The following ZDHHC6 variants were observed in gnomAD, a reference collection of about 807,000 sequenced individuals.
ZDHHC6 encodes palmitoyltransferase ZDHHC6.
In ZDHHC6, 32 loss-of-function variants were observed where a neutral mutation model predicts 57.8. The observed-to-expected ratio is 0.55, with a 90% CI of 0.42 to 0.74. The LOEUF (loss-of-function observed/expected upper bound fraction) is 0.74. Among genes scored for constraint, ZDHHC6 ranks in the 30% least tolerant of loss-of-function variants. The probability of loss-of-function intolerance (pLI) is 0.00; values close to 1 mark genes in which losing one functional copy is unlikely to be tolerated. For missense variants in ZDHHC6, 433 were observed against 500.7 expected, an observed-to-expected ratio of 0.86 and a Z score of 1.29; for synonymous variants, 128 against 158.0, an observed-to-expected ratio of 0.81 and a Z score of 1.42.
chr10:112,431,758 C>A (rs1399691786), intron 10 of ZDHHC6, among the ~76,000 whole-genome samples: 1 of 151,782 alleles, frequency 6.6e-6, no homozygotes, highest in Admixed American at 6.6e-5. Flanking sequence ...CACAAAGTTT[C>A]AATCTACTGG....
At chr10:112,424,970 C>G (rs537818688) in exon 12 of ZDHHC6, 1 of 159,014 alleles carries the variant, frequency 6.3e-6, no homozygotes, top group South Asian at 2.0e-4. Context: ...AAAGTCTAAA[C>G]AAAAGACAAC....
Position 112,445,455 on chromosome 10 carries a change from C to CT in ZDHHC6, c.-20dup. On this transcript the variant is annotated 5_prime_UTR_variant, in exon 2 of 11. Coordinates refer to ENST00000369405, the MANE Select transcript of ZDHHC6 (RefSeq NM_022494.3). The stretch of plus-strand genomic sequence containing the variant: ...TACCCATTTTGGCAAGGAAGAATGC[C>CT]TTCCTACTTTAAAAGAATTATAGAT... 6.2e-7 allele frequency: 1 copy of CT among 1,605,942 alleles called. No homozygotes were observed. The highest frequency in any genetic ancestry group is 8.5e-7 in the Non-Finnish European group (1 of 1,175,152).
chr10:112,433,524 A>T, intron 7 of ZDHHC6: 1 of 337,658 alleles, frequency 3.0e-6, no homozygotes, highest in East Asian at 4.4e-5. Flanking sequence ...ATCTGTGTAT[A>T]TTCCTAGAGT....
chr10:112,447,388 C>A (rs373573273), upstream of ZDHHC6: 1 of 1,613,516 alleles, frequency 6.2e-7, no homozygotes, highest in Non-Finnish European at 8.5e-7. Flanking sequence ...CGTCCGACTT[C>A]GAAGGTTACG....
intron 6 of ZDHHC6, among the ~76,000 whole-genome samples, chr10:112,437,634 A>G (rs1564760473): frequency 1.3e-5 from 2 of 152,218 alleles, no homozygotes; most frequent in East Asian, 3.8e-4. Context: ...CAAAGATACT[A>G]AAGAGATTTG....
intron 2 of ZDHHC6, among the ~76,000 whole-genome samples, chr10:112,444,621 C>T (rs1382572912): frequency 6.6e-6 from 1 of 152,152 alleles, no homozygotes; most frequent in African/African-American, 2.4e-5. Flanking sequence ...CAAGATTCTG[C>T]CTTTCTGACA....
chr10:112,440,761 G>T, intron 4 of ZDHHC6, 66 bp from the exon 5 acceptor site: 2 of 1,465,480 alleles, frequency 1.4e-6, no homozygotes, highest in South Asian at 3.2e-5. Flanking sequence ...ACTCTACTGT[G>T]ACACGTAAAA....
chr10:112,445,412 T>C lies in ZDHHC6; in HGVS notation c.25A>G (p.Lys9Glu), dbSNP rs772056124. The C allele has an allele frequency of 1.2e-6, 2 of 1,614,188 alleles. No individual in the cohort carries two copies. Among genetic ancestry groups the C allele is most frequent in the South Asian group, 2.2e-5 (2 of 91,080 alleles). MGTFCSVI[K>E]FENLQELKRL... Reference sequence around the variant, plus strand: ...TTTAATTCTTGTAGATTTTCAAACTTGATAACCGAACAGAATGTACCCATT... The same window carrying C: ...TTTAATTCTTGTAGATTTTCAAACTCGATAACCGAACAGAATGTACCCATT... The change falls in exon 2 of 11, where the codon AAG (lysine) becomes GAG (glutamate). Residue 9 changes from lysine to glutamate, a missense_variant. Transcript: ENST00000369405.
intron 8 of ZDHHC6, among the ~76,000 whole-genome samples, chr10:112,432,817 TGCA>T (rs1254938189): frequency 6.6e-6 from 1 of 152,224 alleles, no homozygotes; most frequent in African/African-American, 2.4e-5. Flanking sequence ...TAGTATCCAA[TGCA>T]GCAGCACTTG....
chr10:112,434,076 AG>A (rs1845290368), intron 7 of ZDHHC6, among the ~76,000 whole-genome samples: 1 of 152,224 alleles, frequency 6.6e-6, no homozygotes, highest in Non-Finnish European at 1.5e-5. Flanking sequence ...AACTATGTTA[AG>A]GGATCAGGAC....
chr10:112,441,958 T>A (rs1376186524), intron 4 of ZDHHC6, among the ~76,000 whole-genome samples: 2 of 152,212 alleles, frequency 1.3e-5, no homozygotes, highest in African/African-American at 4.8e-5. Context: ...TACTAAAATA[T>A]TTATCACCTT....
intron 5 of ZDHHC6, 134 bp downstream of exon 5, chr10:112,440,400 T>C: frequency 1.0e-6 from 1 of 961,248 alleles, no homozygotes; most frequent in South Asian, 2.0e-5. Context: ...ACAAAGGAGA[T>C]TAGTTACCTA....
chr10:112,429,481 TCTGTTCACTGCTGA>T (rs1844864255), downstream of ZDHHC6, among the ~76,000 whole-genome samples: 1 of 152,226 alleles, frequency 6.6e-6, no homozygotes, highest in African/African-American at 2.4e-5. Flanking sequence ...ATTTTACCTG[TCTGTTCACTGCTGA>T]ATTCCCAAGT....
chr10:112,442,141 T>C (rs942827254), intron 4 of ZDHHC6, 51 bp downstream of exon 4: 1 of 1,516,986 alleles, frequency 6.6e-7, no homozygotes, highest in Middle Eastern at 1.9e-4. Context: ...ATAACTACCA[T>C]TTAATCTTGC....
At chr10:112,445,067 G>A in intron 2 of ZDHHC6, 103 bp downstream of exon 2, 1 of 1,332,496 alleles carries the variant, frequency 7.5e-7, no homozygotes, top group Non-Finnish European at 1.0e-6. Flanking sequence ...GTCTCTGTGA[G>A]GACAAACAGT....
chr10:112,440,732 G>T (rs371866898), intron 4 of ZDHHC6, 37 bp from the exon 5 acceptor site: 109 of 1,583,840 alleles, frequency 6.9e-5, no homozygotes, highest in Non-Finnish European at 7.7e-5. Context: ...CAAAATGTTT[G>T]GTTATGGTAA....
intron 5 of ZDHHC6, among the ~76,000 whole-genome samples, chr10:112,439,242 A>C (rs528781953): frequency 6.6e-6 from 1 of 152,178 alleles, no homozygotes; most frequent in African/African-American, 2.4e-5. Context: ...TTGGCCCAGG[A>C]GTCCTCATCA....
chr10:112,434,528 A>G (rs1845342324), intron 6 of ZDHHC6, 64 bp from the exon 7 acceptor site: 1 of 1,440,966 alleles, frequency 6.9e-7, no homozygotes, highest in East Asian at 2.4e-5. Context: ...GTAATATGTT[A>G]TTGAGAACAC....
chr10:112,428,563 A>G (rs1293874624), downstream of ZDHHC6: 2 of 390,010 alleles, frequency 5.1e-6, no homozygotes, highest in Non-Finnish European at 9.1e-6. Flanking sequence ...TGAGGTCAGG[A>G]GACCGAGAAC....
Sources: allele counts gnomAD v4.1 joint callset (sites outside exome capture counted in the v4.1 genomes callset), GRCh38; gene constraint gnomAD v4.1.1; transcripts MANE v1.5; gene names NCBI Gene and HGNC (gene_info 2026-07-23, HGNC 2026-07-21).